RCC1L: variants seen among roughly 807,000 people sequenced by gnomAD.
The protein encoded by RCC1L is RCC1 like.
RCC1L carries 46 observed loss-of-function variants against 58.6 expected under a neutral mutation model. The ratio of observed to expected loss-of-function variants is 0.79; its 90% CI spans 0.62 to 1.00. The LOEUF is 1.00. Ranked by LOEUF, RCC1L falls within the 50% of genes least tolerant of loss-of-function variation. RCC1L has a pLI of 0.00. For missense variants in RCC1L, 636 were observed against 623.6 expected (o/e 1.02, Z -0.21); for synonymous variants, 281 against 262.9 (o/e 1.07, Z -0.67).
chr7:75,043,992 C>T (rs1805640911), intron 10 of RCC1L, among the ~76,000 whole-genome samples: 1 of 152,196 alleles, frequency 6.6e-6, no homozygotes, highest in Admixed American at 6.5e-5. Flanking sequence ...AAGACCCTTG[C>T]CAGGAGCCCT....
intron 10 of RCC1L, among the ~76,000 whole-genome samples, chr7:75,052,262 G>A (rs1232283041): frequency 3.3e-5 from 5 of 152,236 alleles, no homozygotes; most frequent in South Asian, 2.1e-4. Flanking sequence ...AGCTTCTAGC[G>A]TGCCAACTTC....
downstream of RCC1L, among the ~76,000 whole-genome samples, chr7:75,038,469 TG>T (rs1805476078): frequency 6.6e-6 from 1 of 151,304 alleles, no homozygotes; most frequent in African/African-American, 2.4e-5. Context: ...AGTCTTGCTC[TG>T]TCACCCAGGC....
downstream of RCC1L, among the ~76,000 whole-genome samples, chr7:75,040,849 A>G (rs1805538127): frequency 6.6e-6 from 1 of 152,108 alleles, no homozygotes; most frequent in Non-Finnish European, 1.5e-5. Flanking sequence ...CCTCCCCTAG[A>G]TATCTGAGTG....
At chr7:75,053,335 C>A (rs1448576932) in intron 9 of RCC1L, among the ~76,000 whole-genome samples, 1 of 152,116 alleles carries the variant, frequency 6.6e-6, no homozygotes, top group Non-Finnish European at 1.5e-5. Context: ...ACTCTGCTCA[C>A]CCCTTGTGCC....
chr7:75,052,593 A>G, intron 10 of RCC1L, 118 bp downstream of exon 10: 1 of 926,086 alleles, frequency 1.1e-6, no homozygotes, highest in Non-Finnish European at 1.7e-6. Context: ...CAGGACCCGG[A>G]AGGGGGAGCA....
intron 10 of RCC1L, among the ~76,000 whole-genome samples, chr7:75,032,625 A>G (rs1265162245): frequency 3.3e-5 from 5 of 151,964 alleles, no homozygotes; most frequent in African/African-American, 1.2e-4. Context: ...ACCCTGCCTC[A>G]CCCTTGGCCC....
Position 75,055,940 on chromosome 7 carries a change from G to C in RCC1L, c.1192C>G (p.Arg398Gly). The C allele has an allele frequency of 6.2e-7, 1 of 1,613,962 alleles. No individual in the cohort carries two copies. Among genetic ancestry groups the C allele is most frequent in the Admixed American group, 1.7e-5 (1 of 60,006 alleles). Residue 398 changes from arginine (R) to glycine (G), a missense_variant, in exon 9 of 11, where the codon CGC becomes GGC. Arg to Gly is a moderately radical substitution (Grantham distance 125, BLOSUM62 -2). Coordinates refer to ENST00000610322, the MANE Select transcript of RCC1L (RefSeq NM_030798.5). ...AAGTGGCTGAGTCCACATCGGATGC[G>C]GGAAACCTGGATTTCTGGGTTGAAC... is the stretch of plus-strand genomic sequence containing the variant. ...TEFNPEIQVSRIRCGLSHFAA... is the reference protein window; with the variant it reads ...TEFNPEIQVSGIRCGLSHFAA...
chr7:75,033,709 AT>A (rs1442408414), intron 10 of RCC1L, among the ~76,000 whole-genome samples: 19 of 145,116 alleles, frequency 1.3e-4, no homozygotes, highest in African/African-American at 4.8e-4. Context: ...AAAAAAAAAA[AT>A]TAGCCGGGTG....
chr7:75,064,040 A>G (rs1010353520), intron 4 of RCC1L, among the ~76,000 whole-genome samples: 3 of 152,326 alleles, frequency 2.0e-5, no homozygotes, highest in African/African-American at 2.4e-5. Context: ...GTAAAAATTC[A>G]TCCTAAGAGG....
intron 10 of RCC1L, among the ~76,000 whole-genome samples, chr7:75,051,227 A>G (rs959956226): frequency 2.1e-4 from 31 of 147,796 alleles, no homozygotes; most frequent in Non-Finnish European, 3.7e-4. Context: ...ATATAAATGT[A>G]TTATATATGT....
intron 2 of RCC1L, 58 bp from the exon 3 acceptor site, chr7:75,066,850 T>C: frequency 1.3e-6 from 2 of 1,560,710 alleles, no homozygotes; most frequent in Non-Finnish European, 8.7e-7. Context: ...GAAATCATAC[T>C]GTCCAACTCC....
rs1236572835 is a variant in RCC1L at position 75,061,206 on chromosome 7, C to T, written c.787+1G>A. On this transcript the variant is annotated splice_donor_variant, in intron 6 of 10. Coordinates refer to ENST00000610322, the MANE Select transcript of RCC1L (RefSeq NM_030798.5). LOFTEE classifies it high-confidence loss of function. ...ACCCCAGTGCATGAAAAGAACTCTA[C>T]CTGTTTGCCCATCAGCACCCCATCC... 25 of 1,613,330 alleles carry T rather than the reference C, an allele frequency of 1.5e-5. No individual in the cohort carries two copies. Among genetic ancestry groups the T allele is most frequent in the Non-Finnish European group, 2.1e-5 (25 of 1,179,476 alleles).
At chr7:75,030,611 A>G (rs1390614837) in intron 10 of RCC1L, among the ~76,000 whole-genome samples, 5 of 152,296 alleles carry the variant, frequency 3.3e-5, no homozygotes, top group Non-Finnish European at 7.4e-5. Context: ...AGGAGGCCTC[A>G]GTCCTTCCCC....
At chr7:75,063,369 A>C (rs1806340728) in intron 4 of RCC1L, 26 bp from the exon 5 acceptor site, 4 of 1,613,608 alleles carry the variant, frequency 2.5e-6, no homozygotes, top group Non-Finnish European at 3.4e-6. Flanking sequence ...AATTGGGAAG[A>C]AGCAAGGGAT....
At chr7:75,034,281 C>A (rs1805385945) in intron 10 of RCC1L, among the ~76,000 whole-genome samples, 1 of 152,200 alleles carries the variant, frequency 6.6e-6, no homozygotes, top group South Asian at 2.1e-4. Flanking sequence ...TTTAGGAGTC[C>A]AAGGTGGGCG....
At chr7:75,046,852 G>A (rs1358151777) in intron 10 of RCC1L, among the ~76,000 whole-genome samples, 2 of 152,182 alleles carry the variant, frequency 1.3e-5, no homozygotes, top group African/African-American at 2.4e-5. Flanking sequence ...ACGGGGGTGC[G>A]GGAAGAAGGA....
At chr7:75,044,599 G>GAAA (rs1169350324) in intron 10 of RCC1L, among the ~76,000 whole-genome samples, 19 of 40,650 alleles carry the variant, frequency 4.7e-4, no homozygotes, top group Non-Finnish European at 4.9e-4. Flanking sequence ...ACTCTGTCTC[G>GAAA]AAAAAAAAAA....
intron 8 of RCC1L, chr7:75,056,674 T>G: frequency 1.3e-6 from 2 of 1,535,420 alleles, no homozygotes; most frequent in Non-Finnish European, 1.7e-6. Context: ...AGTAGTTCGC[T>G]CTCCACTCCA....
At chr7:75,055,278 G>A (rs1806039446) in intron 9 of RCC1L, among the ~76,000 whole-genome samples, 2 of 152,316 alleles carry the variant, frequency 1.3e-5, no homozygotes, top group East Asian at 1.9e-4. Context: ...AGTAAGAGAT[G>A]TAACCAAGAA....
Sources: gnomAD v4.1 joint callset for allele counts (sites outside exome capture counted in the v4.1 genomes callset) on GRCh38, gnomAD v4.1.1 for gene constraint, MANE v1.5 for transcripts, NCBI Gene and HGNC (gene_info 2026-07-23, HGNC 2026-07-21) for gene names.